Variants in ADIPOR2 observed in about 807,000 individuals in gnomAD.
ADIPOR2 encodes adiponectin receptor 2, also known as adiponectin receptor protein 2.
A neutral mutation model predicts 40.9 loss-of-function variants in ADIPOR2; 18 were observed. That is an observed-to-expected ratio of 0.44 (90% CI 0.30 to 0.65). ADIPOR2 has a LOEUF of 0.65. Ranked by LOEUF, ADIPOR2 falls within the 30% of genes least tolerant of loss-of-function variation. The pLI, the probability that ADIPOR2 is intolerant of heterozygous loss-of-function variation, is 0.09. For missense variants in ADIPOR2, 283 were observed against 479.2 expected, an observed-to-expected ratio of 0.59 and a Z score of 3.82; for synonymous variants, 165 against 166.4, an observed-to-expected ratio of 0.99 and a Z score of 0.06.
At chr12:1,762,718 C>T (rs547255858) in intron 2 of ADIPOR2, among the ~76,000 whole-genome samples, 10 of 152,160 alleles carry the variant, frequency 6.6e-5, no homozygotes, top group South Asian at 2.1e-4. Context: ...ATATGTTATT[C>T]GTTCCTAAAG....
chr12:1,752,007 G>C (rs1176052961), intron 1 of ADIPOR2, among the ~76,000 whole-genome samples: 1 of 147,226 alleles, frequency 6.8e-6, no homozygotes, highest in Admixed American at 6.8e-5. Context: ...TCCCGGGTTC[G>C]AGCAATTCTC....
At chr12:1,774,229 T>C (rs1305646062) in intron 3 of ADIPOR2, among the ~76,000 whole-genome samples, 1 of 152,218 alleles carries the variant, frequency 6.6e-6, no homozygotes, top group Non-Finnish European at 1.5e-5. Flanking sequence ...GGTAGCTGAC[T>C]TAACTGCCTT....
In ADIPOR2 at chr12:1,782,543, C is replaced by T. The variant is rs1248141919; in HGVS notation, c.839-1337C>T. 2.6e-5 allele frequency among the ~76,000 whole-genome samples: 4 copies of T among 152,114 alleles called. No homozygotes were observed. In the East Asian group the frequency reaches 7.7e-4, roughly 29 times the overall value. The stretch of plus-strand genomic sequence containing the variant: ...TTTTCCATCATGACATTTTCTATTA[C>T]AGTCCTGAACACGTGTATCTATACA... On this transcript the variant is annotated intron_variant, in intron 6 of 7. Coordinates refer to ENST00000357103, the MANE Select transcript of ADIPOR2 (RefSeq NM_024551.3).
intron 1 of ADIPOR2, among the ~76,000 whole-genome samples, chr12:1,743,304 G>A (rs1255780359): frequency 6.5e-5 from 7 of 108,230 alleles, no homozygotes; most frequent in African/African-American, 1.7e-4. Context: ...AGAGCGAGAC[G>A]CTGTCTAAAA....
intron 1 of ADIPOR2, among the ~76,000 whole-genome samples, chr12:1,725,431 A>G (rs1170595279): frequency 1.3e-5 from 2 of 152,158 alleles, no homozygotes; most frequent in Non-Finnish European, 2.9e-5. Flanking sequence ...AATGTCCCAA[A>G]CTTAAACCAA....
chr12:1,760,328 G>T (rs1429099348), intron 2 of ADIPOR2, among the ~76,000 whole-genome samples: 1 of 151,202 alleles, frequency 6.6e-6, no homozygotes, highest in Non-Finnish European at 1.5e-5. Flanking sequence ...ATTTTTTTTT[G>T]AGATAAATTT....
intron 1 of ADIPOR2, among the ~76,000 whole-genome samples, chr12:1,717,865 C>G (rs1014040794): frequency 2.6e-5 from 4 of 152,028 alleles, no homozygotes; most frequent in Admixed American, 2.6e-4. Context: ...TGCTGGATTG[C>G]TGGTCTCTAG....
intron 1 of ADIPOR2, among the ~76,000 whole-genome samples, chr12:1,692,372 T>G (rs2094628933): frequency 6.6e-6 from 1 of 152,240 alleles, no homozygotes; most frequent in South Asian, 2.1e-4. Flanking sequence ...TTCTGATAAA[T>G]TTGTTGTCAG....
Position 1,780,561 on chromosome 12 carries a change from A to G in ADIPOR2, c.574A>G (p.Ile192Val). 3 of 1,613,792 alleles carry G rather than the reference A, an allele frequency of 1.9e-6. No homozygotes were observed. Among genetic ancestry groups the G allele is most frequent in the South Asian group, 1.1e-5 (1 of 91,042 alleles). The change falls in exon 5 of 8, where the codon ATT becomes GTT. Residue 192 changes from isoleucine to valine, a missense_variant. Physicochemically the swap from Ile to Val is conservative, Grantham distance 29. This residue lies in a region of ADIPOR2 where 112 missense variants were observed against 249.5 expected (regional missense o/e 0.45). Coordinates refer to ENST00000357103, the MANE Select transcript of ADIPOR2 (RefSeq NM_024551.3). ...VVFGLFFLGAILCLSFSWLFH... is the reference protein window; with the variant it reads ...VVFGLFFLGAVLCLSFSWLFH... ...CTTTGGATTATTTTTCTTAGGAGCC[A>G]TTCTCTGCCTTTCTTTTTCATGGCT...
At chr12:1,746,945 A>T (rs1214851949) in intron 1 of ADIPOR2, among the ~76,000 whole-genome samples, 2 of 152,022 alleles carry the variant, frequency 1.3e-5, no homozygotes, top group East Asian at 3.9e-4. Context: ...GGGAAGAGGA[A>T]GATTGTTTGA....
chr12:1,748,583 T>G (rs769742449), intron 1 of ADIPOR2, among the ~76,000 whole-genome samples: 4 of 152,136 alleles, frequency 2.6e-5, no homozygotes, highest in Non-Finnish European at 4.4e-5. Flanking sequence ...CCATTTTGAG[T>G]TAATTTTTGT....
intron 1 of ADIPOR2, among the ~76,000 whole-genome samples, chr12:1,729,140 A>G (rs2094714378): frequency 6.6e-6 from 1 of 152,148 alleles, no homozygotes; most frequent in Non-Finnish European, 1.5e-5. Context: ...GATACTGCAC[A>G]TCAAGACTGT....
chr12:1,750,061 G>C (rs1317604017), intron 1 of ADIPOR2, among the ~76,000 whole-genome samples: 3 of 151,466 alleles, frequency 2.0e-5, no homozygotes, highest in Admixed American at 2.0e-4. Context: ...TCAAACTCCT[G>C]GTCTTGAAGT....
At chr12:1,751,643 T>C (rs1428510919) in intron 1 of ADIPOR2, among the ~76,000 whole-genome samples, 2 of 152,056 alleles carry the variant, frequency 1.3e-5, no homozygotes, top group African/African-American at 4.8e-5. Flanking sequence ...GAGTAGCTAG[T>C]ACTACAGCCA....
intron 1 of ADIPOR2, among the ~76,000 whole-genome samples, chr12:1,719,206 G>C (rs1328348294): frequency 6.6e-6 from 1 of 151,898 alleles, no homozygotes; most frequent in Non-Finnish European, 1.5e-5. Context: ...TATTTAGAAA[G>C]TACTCCAATT....
chr12:1,713,402 T>C (rs965235110), intron 1 of ADIPOR2, among the ~76,000 whole-genome samples: 5 of 152,136 alleles, frequency 3.3e-5, no homozygotes, highest in African/African-American at 1.2e-4. Flanking sequence ...ATTTTCTTAC[T>C]AGGCCTTGAG....
At chr12:1,716,836 A>G (rs2094688586) in intron 1 of ADIPOR2, among the ~76,000 whole-genome samples, 1 of 152,222 alleles carries the variant, frequency 6.6e-6, no homozygotes, top group South Asian at 2.1e-4. Context: ...TTTACCACAC[A>G]CTGTATCCAA....
rs967759192 is a variant in ADIPOR2, at chr12:1,778,132, A to G, written c.463+107A>G. 2.0e-5 allele frequency: 26 copies of G among 1,298,828 alleles called. No individual in the cohort carries two copies. In the African/African-American group the frequency reaches 2.8e-4, roughly 14 times the overall value. The allele number at this position is 1,298,828 out of a possible 1,614,324, so 80.5% of individuals were successfully genotyped here. ...CTTCAGAAATGTATTTGGATTTGCCATTTTGTTTTCTGAATTTCTAATGAT... is the reference window on the plus strand; with the variant it reads ...CTTCAGAAATGTATTTGGATTTGCCGTTTTGTTTTCTGAATTTCTAATGAT... On this transcript the variant is annotated intron_variant, in intron 4 of 7. Coordinates refer to ENST00000357103, the MANE Select transcript of ADIPOR2 (RefSeq NM_024551.3).
chr12:1,733,129 A>G (rs1189241797), intron 1 of ADIPOR2, among the ~76,000 whole-genome samples: 2 of 152,198 alleles, frequency 1.3e-5, no homozygotes, highest in African/African-American at 2.4e-5. Flanking sequence ...TTAGAAAAAA[A>G]CAAAGAACTT....
Sources: gnomAD v4.1 joint callset for allele counts (sites outside exome capture counted in the v4.1 genomes callset) on GRCh38, gnomAD v4.1.1 for gene constraint, gnomAD v4.1.1 regional missense constraint, MANE v1.5 for transcripts, NCBI Gene and HGNC (gene_info 2026-07-23, HGNC 2026-07-21) for gene names.